The following NRXN3 variants were observed in gnomAD, a reference collection of about 807,000 sequenced individuals.
NRXN3 encodes the protein neurexin 3.
Under a neutral mutation model 137.6 loss-of-function variants are expected in NRXN3, and 32 were observed. That is an observed-to-expected ratio of 0.23 (90% CI 0.18 to 0.31). The LOEUF (loss-of-function observed/expected upper bound fraction) is 0.31. Among genes scored for constraint, NRXN3 ranks in the 10% least tolerant of loss-of-function variants. The pLI, the probability that NRXN3 is intolerant of heterozygous loss-of-function variation, is 1.00. For synonymous variants in NRXN3, 798 were observed against 784.5 expected, an observed-to-expected ratio of 1.02 and a Z score of -0.29; for missense variants, 1,574 against 2,062.5, an observed-to-expected ratio of 0.76 and a Z score of 4.59.
rs191045371 is a variant in NRXN3 at position 78,881,750 on chromosome 14, C to G, written c.2275+71406C>G. Reference sequence around the variant, plus strand: ...GCATAAAAGTTTGGAAAATTTGTAGCTTGCTGATGTGCCAGAAAAGAAAAA... The same window carrying G: ...GCATAAAAGTTTGGAAAATTTGTAGGTTGCTGATGTGCCAGAAAAGAAAAA... On this transcript the variant is annotated intron_variant, in intron 10 of 20. Transcript: ENST00000335750. Among the ~76,000 whole-genome samples, 29 of 151,840 alleles carry G rather than the reference C, an allele frequency of 1.9e-4. No homozygotes were observed. In the South Asian group the frequency reaches 3.3e-3, roughly 17 times the overall value.
rs891364044 is a variant in NRXN3, at chr14:78,425,724, T to G, written c.757+127864T>G. On this transcript the variant is annotated intron_variant, in intron 4 of 20. Coordinates refer to ENST00000335750, the MANE Select transcript of NRXN3 (RefSeq NM_001330195.2). ...TCAGAATAATATATTTTCTACCCCTTCCCCCACCCACTCTTGGCTCCTGGC... is the reference window on the plus strand; with the variant it reads ...TCAGAATAATATATTTTCTACCCCTGCCCCCACCCACTCTTGGCTCCTGGC... Among the ~76,000 whole-genome samples, 3 of 152,130 alleles carry G rather than the reference T, an allele frequency of 2.0e-5. No individual in the cohort carries two copies. The East Asian group carries it at 5.8e-4, about 29-fold the overall frequency.
At chr14:78,302,685 G>A (rs1318120384) in intron 4 of NRXN3, among the ~76,000 whole-genome samples, 1 of 152,178 alleles carries the variant, frequency 6.6e-6, no homozygotes, top group East Asian at 1.9e-4. Context: ...CATGTCATCT[G>A]CCCACAAACC....
At chr14:79,173,807 T>C (rs957120683) in intron 15 of NRXN3, among the ~76,000 whole-genome samples, 2 of 152,262 alleles carry the variant, frequency 1.3e-5, no homozygotes, top group Admixed American at 6.5e-5. Context: ...GTCCTGACTA[T>C]ATAGGCTTTC....
intron 15 of NRXN3, among the ~76,000 whole-genome samples, chr14:79,048,850 C>T (rs1026816787): frequency 6.1e-5 from 9 of 148,364 alleles, no homozygotes; most frequent in Non-Finnish European, 1.0e-4. Flanking sequence ...CGGTGAAACC[C>T]CGTCTCTACT....
chr14:78,561,551 GAC>G (rs955930790), intron 4 of NRXN3, among the ~76,000 whole-genome samples: 11 of 152,168 alleles, frequency 7.2e-5, no homozygotes, highest in Non-Finnish European at 1.6e-4. Context: ...TGCCATAGGG[GAC>G]ACAGAGGGGA....
At chr14:78,581,511 C>T (rs1252107391) in intron 4 of NRXN3, among the ~76,000 whole-genome samples, 1 of 152,194 alleles carries the variant, frequency 6.6e-6, no homozygotes, top group Non-Finnish European at 1.5e-5. Flanking sequence ...CCCCAAAGCC[C>T]CACCTCTTAA....
intron 16 of NRXN3, among the ~76,000 whole-genome samples, chr14:79,504,844 T>C (rs2096861497): frequency 6.6e-6 from 1 of 151,884 alleles, no homozygotes; most frequent in Admixed American, 6.6e-5. Flanking sequence ...AAGCATAAAG[T>C]AAAATTATTA....
At chr14:78,371,834 A>G (rs574342076) in intron 4 of NRXN3, among the ~76,000 whole-genome samples, 5 of 152,264 alleles carry the variant, frequency 3.3e-5, no homozygotes, top group Non-Finnish European at 5.9e-5. Flanking sequence ...TATAGTGATA[A>G]GTATGCAGTA....
rs1712616940 is a variant in NRXN3 at position 78,380,952 on chromosome 14, T to C, written c.757+83092T>C. ...AGTAATCAAGACTGTGTGTTACTGG[T>C]AAAGGGATAGACACACCGATGAACA... On this transcript the variant is annotated intron_variant, in intron 4 of 20. Coordinates refer to ENST00000335750, the MANE Select transcript of NRXN3 (RefSeq NM_001330195.2). 2.0e-5 allele frequency among the ~76,000 whole-genome samples: 3 copies of C among 152,152 alleles called. No homozygotes were observed. In the South Asian group the frequency reaches 6.2e-4, roughly 32 times the overall value.
At chr14:78,456,815 T>C (rs547375040) in intron 4 of NRXN3, among the ~76,000 whole-genome samples, 2 of 119,818 alleles carry the variant, frequency 1.7e-5, no homozygotes, top group Non-Finnish European at 3.8e-5. Flanking sequence ...CTTTCTTTCT[T>C]TCTTTCTTTC....
chr14:79,430,233 G>A (rs989381187), intron 15 of NRXN3, among the ~76,000 whole-genome samples: 4 of 152,284 alleles, frequency 2.6e-5, no homozygotes, highest in East Asian at 1.9e-4. Context: ...TTAAGACTGC[G>A]TTTGTGAAGC....
In NRXN3 at chr14:79,821,668, C is replaced by CTTTTTTTTTTTTTTTTTTTTTT. The variant is rs5809961; in HGVS notation, c.4093+16495_4093+16496insTTTTTTTTTTTTTTTTTTTTTT. ...TTCCAAATTCCCCTAAAGCTAAGAC[C>CTTTTTTTTTTTTTTTTTTTTTT]TTTTTTTTTTTTTTTTTGCATGTCT... is the stretch of plus-strand genomic sequence containing the variant. On this transcript the variant is annotated intron_variant, in intron 20 of 20. Transcript: ENST00000335750. Among the ~76,000 whole-genome samples, 2 of 121,500 alleles carry CTTTTTTTTTTTTTTTTTTTTTT rather than the reference C, an allele frequency of 1.6e-5. 1 individual carries two copies. The highest frequency in any genetic ancestry group is 3.3e-5 in the Non-Finnish European group (2 of 60,414). The allele number at this position is 121,500 out of a possible 152,430, so 79.7% of individuals were successfully genotyped here.
At chr14:79,194,279 G>T (rs928587926) in intron 15 of NRXN3, among the ~76,000 whole-genome samples, 1 of 152,156 alleles carries the variant, frequency 6.6e-6, no homozygotes, top group African/African-American at 2.4e-5. Context: ...TCTCTGACAT[G>T]CAAAAATGCC....
intron 4 of NRXN3, among the ~76,000 whole-genome samples, chr14:78,468,526 A>G (rs1185815498): frequency 6.6e-6 from 1 of 152,172 alleles, no homozygotes; most frequent in African/African-American, 2.4e-5. Context: ...AGGGAAAGAA[A>G]TGGATAAGTG....
At chr14:79,764,714 G>C (rs2099050361) in intron 19 of NRXN3, among the ~76,000 whole-genome samples, 1 of 151,920 alleles carries the variant, frequency 6.6e-6, no homozygotes, top group Non-Finnish European at 1.5e-5. Context: ...AGAGAAATCT[G>C]ACTGGCAGGC....
intron 15 of NRXN3, among the ~76,000 whole-genome samples, chr14:79,101,002 A>G (rs895211017): frequency 6.6e-6 from 1 of 152,182 alleles, no homozygotes; most frequent in African/African-American, 2.4e-5. Flanking sequence ...TAATCCCTTG[A>G]TCTTTACTTT....
chr14:78,669,085 G>T (rs1353440126), intron 6 of NRXN3, among the ~76,000 whole-genome samples: 1 of 151,860 alleles, frequency 6.6e-6, no homozygotes, highest in Non-Finnish European at 1.5e-5. Context: ...TATTAGAGAT[G>T]GTCTCCTGAA....
At chr14:79,235,875 A>C (rs909559975) in intron 15 of NRXN3, among the ~76,000 whole-genome samples, 5 of 152,150 alleles carry the variant, frequency 3.3e-5, no homozygotes, top group African/African-American at 1.2e-4. Flanking sequence ...GGGTTAAAAA[A>C]AAGAATTACC....
chr14:79,511,015 C>T (rs1180005617), intron 16 of NRXN3, among the ~76,000 whole-genome samples: 1 of 152,012 alleles, frequency 6.6e-6, no homozygotes, highest in Non-Finnish European at 1.5e-5. Flanking sequence ...ATGTTAACAA[C>T]GTTAAGGGCA....
Sources: gnomAD v4.1 joint callset for allele counts (sites outside exome capture counted in the v4.1 genomes callset) on GRCh38, gnomAD v4.1.1 for gene constraint, MANE v1.5 for transcripts, NCBI Gene and HGNC (gene_info 2026-07-23, HGNC 2026-07-21) for gene names.